Variants in ABTB3 observed in about 807,000 individuals in gnomAD.
The protein encoded by ABTB3 is ankyrin repeat- and BTB/POZ domain-containing protein 3.
chr12:107,656,283 A>G, the ABTB3 span, among the ~76,000 whole-genome samples: 163 of 147,868 alleles, frequency 1.1e-3, no homozygotes, highest in African/African-American at 3.2e-3. Context: ...CCTGAGCCAC[A>G]GAGTGAGGCT....
chr12:107,339,895 A>C, the ABTB3 span, among the ~76,000 whole-genome samples: 67 of 152,252 alleles, frequency 4.4e-4, no homozygotes, highest in African/African-American at 1.5e-3. Flanking sequence ...TCAAACACAA[A>C]CCATTACCTT....
chr12:107,608,922 TAAAA>T, the ABTB3 span, among the ~76,000 whole-genome samples: 4 of 85,608 alleles, frequency 4.7e-5, no homozygotes, highest in East Asian at 1.7e-3. Context: ...TAAAATAAAA[TAAAA>T]TAAAATAAAA....
the ABTB3 span, among the ~76,000 whole-genome samples, chr12:107,382,079 A>G: frequency 1.3e-5 from 2 of 152,226 alleles, no homozygotes; most frequent in African/African-American, 2.4e-5. Context: ...ACAATAAATG[A>G]AGAAATAAAT....
At chr12:107,478,518 C>A in the ABTB3 span, among the ~76,000 whole-genome samples, 1 of 152,138 alleles carries the variant, frequency 6.6e-6, no homozygotes, top group Non-Finnish European at 1.5e-5. Context: ...AAATTAATAA[C>A]TAATTAAAGA....
chr12:107,426,845 C>T, the ABTB3 span, among the ~76,000 whole-genome samples: 1 of 152,096 alleles, frequency 6.6e-6, no homozygotes, highest in African/African-American at 2.4e-5. Context: ...CTCTTAAGTC[C>T]TCTCTATTTC....
chr12:107,413,599 G>T, the ABTB3 span, among the ~76,000 whole-genome samples: 9 of 152,298 alleles, frequency 5.9e-5, no homozygotes, highest in South Asian at 1.2e-3. Flanking sequence ...TTCCATGGGG[G>T]CATGAGGAGG....
the ABTB3 span, among the ~76,000 whole-genome samples, chr12:107,451,462 A>G: frequency 2.6e-5 from 4 of 152,192 alleles, no homozygotes; most frequent in Admixed American, 6.5e-5. Flanking sequence ...ATAAATAACT[A>G]TCTTCACCTG....
the ABTB3 span, among the ~76,000 whole-genome samples, chr12:107,391,175 T>C: frequency 6.6e-6 from 1 of 152,052 alleles, no homozygotes; most frequent in Non-Finnish European, 1.5e-5. Context: ...AATAAAATAT[T>C]TTATTGAACC....
the ABTB3 span, among the ~76,000 whole-genome samples, chr12:107,626,516 T>A: frequency 6.6e-6 from 1 of 151,930 alleles, no homozygotes; most frequent in Non-Finnish European, 1.5e-5. Context: ...CGGCTAATTT[T>A]TTTTTGTATT....
the ABTB3 span, chr12:107,617,240 A>G: frequency 6.2e-7 from 1 of 1,613,700 alleles, no homozygotes; most frequent in Non-Finnish European, 8.5e-7. Context: ...TGGCCCTTGA[A>G]GTGCCTGTGA....
At chr12:107,451,189 AT>A in the ABTB3 span, among the ~76,000 whole-genome samples, 6 of 152,028 alleles carry the variant, frequency 3.9e-5, no homozygotes, top group Non-Finnish European at 8.8e-5. Context: ...TAGAGGATGG[AT>A]TTTCTTACTC....
chr12:107,651,222 T>C, the ABTB3 span, among the ~76,000 whole-genome samples: 6 of 152,114 alleles, frequency 3.9e-5, no homozygotes, highest in African/African-American at 1.4e-4. Context: ...ACATCTGGTG[T>C]GCTGTGACTC....
the ABTB3 span, among the ~76,000 whole-genome samples, chr12:107,544,932 T>A: frequency 1.2e-4 from 18 of 152,182 alleles, no homozygotes; most frequent in Admixed American, 1.0e-3. Context: ...TACATAGGGA[T>A]GTTTGAAAAT....
At chr12:107,657,415 A>T in the ABTB3 span, 50 of 1,060,714 alleles carry the variant, frequency 4.7e-5, 1 homozygote, top group Admixed American at 5.5e-4. Context: ...AGTCTTCCTT[A>T]GCAGGTGTGT....
the ABTB3 span, among the ~76,000 whole-genome samples, chr12:107,583,375 A>G: frequency 6.6e-6 from 1 of 152,344 alleles, no homozygotes; most frequent in African/African-American, 2.4e-5. Context: ...GGTATCCAGG[A>G]AAAGCAGTGC....
the ABTB3 span, among the ~76,000 whole-genome samples, chr12:107,339,722 G>A: frequency 6.6e-6 from 1 of 151,870 alleles, no homozygotes; most frequent in African/African-American, 2.4e-5. Context: ...ATGTGCATGT[G>A]CCTATATCAA....
the ABTB3 span, among the ~76,000 whole-genome samples, chr12:107,404,483 C>T: frequency 1.3e-5 from 2 of 152,166 alleles, no homozygotes; most frequent in African/African-American, 2.4e-5. Context: ...CTCGGGACCC[C>T]CTCCTTGGCA....
At chr12:107,477,822 A>G in the ABTB3 span, among the ~76,000 whole-genome samples, 3 of 152,226 alleles carry the variant, frequency 2.0e-5, no homozygotes, top group Non-Finnish European at 4.4e-5. Context: ...AGACCATTCT[A>G]TATAGATGCT....
the ABTB3 span, among the ~76,000 whole-genome samples, chr12:107,412,345 C>T: frequency 0.027 from 4,180 of 152,244 alleles, 81 homozygotes; most frequent in African/African-American, 0.042. Flanking sequence ...CAAGCTCAGA[C>T]GCCTGTGCCT....
Sources: allele counts gnomAD v4.1 joint callset (sites outside exome capture counted in the v4.1 genomes callset), GRCh38; gene constraint gnomAD v4.1.1; transcripts MANE v1.5; gene names NCBI Gene and HGNC (gene_info 2026-07-23, HGNC 2026-07-21).